PRR16: variants seen among roughly 807,000 people sequenced by gnomAD.
The protein encoded by PRR16 is protein Largen.
Under a neutral mutation model 18.2 loss-of-function variants are expected in PRR16, and 6 were observed. The ratio of observed to expected loss-of-function variants is 0.33; its 90% CI spans 0.18 to 0.65. The LOEUF is 0.65. Among genes scored for constraint, PRR16 ranks in the 30% least tolerant of loss-of-function variants. The probability of loss-of-function intolerance (pLI) is 0.74; values close to 1 mark genes in which losing one functional copy is unlikely to be tolerated. For missense variants in PRR16, 412 were observed against 376.6 expected (o/e 1.09, Z -0.78); for synonymous variants, 151 against 147.8 (o/e 1.02, Z -0.16).
At chr5:120,534,285 G>T (rs564895659) in intron 1 of PRR16, among the ~76,000 whole-genome samples, 1 of 152,084 alleles carries the variant, frequency 6.6e-6, no homozygotes, top group Non-Finnish European at 1.5e-5. Flanking sequence ...AGCATTAGGA[G>T]AATGAGTACC....
At chr5:120,482,979 G>A (rs1380797782) in intron 1 of PRR16, among the ~76,000 whole-genome samples, 1 of 152,102 alleles carries the variant, frequency 6.6e-6, no homozygotes, top group East Asian at 1.9e-4. Context: ...CATTATTTTA[G>A]AATTCAACTA....
At chr5:120,690,558 A>G (rs1757196986), downstream of PRR16, among the ~76,000 whole-genome samples, 1 of 152,214 alleles carries the variant, frequency 6.6e-6, no homozygotes, top group Non-Finnish European at 1.5e-5. Flanking sequence ...AAATTTCTAT[A>G]AAAAGCCATA....
At chr5:120,570,653 C>G (rs1340418523) in intron 1 of PRR16, among the ~76,000 whole-genome samples, 1 of 151,994 alleles carries the variant, frequency 6.6e-6, no homozygotes, top group African/African-American at 2.4e-5. Flanking sequence ...CCATCTCAAT[C>G]CCAACTAGAC....
intron 1 of PRR16, among the ~76,000 whole-genome samples, chr5:120,533,276 T>G (rs1351489220): frequency 6.6e-6 from 1 of 152,218 alleles, no homozygotes; most frequent in African/African-American, 2.4e-5. Context: ...TGGGTGTCTA[T>G]TATGTGCTAG....
At chr5:120,751,889 AT>A in the PRR16 span, among the ~76,000 whole-genome samples, 1 of 152,122 alleles carries the variant, frequency 6.6e-6, no homozygotes, top group African/African-American at 2.4e-5. Context: ...TGGAATATTC[AT>A]TTAAGTTTGC....
intron 1 of PRR16, among the ~76,000 whole-genome samples, chr5:120,472,796 T>C (rs1194398950): frequency 6.6e-6 from 1 of 152,152 alleles, no homozygotes; most frequent in Admixed American, 6.5e-5. Context: ...ATAGGTGGTA[T>C]ATTTATAATT....
At chr5:120,765,612 A>G in the PRR16 span, among the ~76,000 whole-genome samples, 1 of 152,008 alleles carries the variant, frequency 6.6e-6, no homozygotes, top group African/African-American at 2.4e-5. Context: ...ATCCATTTTT[A>G]AAAACCTTTA....
the PRR16 span, among the ~76,000 whole-genome samples, chr5:120,756,752 G>A: frequency 6.6e-6 from 1 of 151,888 alleles, no homozygotes; most frequent in Non-Finnish European, 1.5e-5. Context: ...GTTGTGTGTT[G>A]ACTGCATTGA....
the PRR16 span, among the ~76,000 whole-genome samples, chr5:120,773,177 T>C: frequency 6.6e-6 from 1 of 152,082 alleles, no homozygotes; most frequent in Non-Finnish European, 1.5e-5. Context: ...CAGTTAAAAT[T>C]TTTATTAGTA....
intron 1 of PRR16, among the ~76,000 whole-genome samples, chr5:120,542,434 G>A (rs7712650): frequency 0.2 from 29,749 of 151,666 alleles, 3,054 homozygotes; most frequent in Non-Finnish European, 0.21. Context: ...TAACATTTTC[G>A]TTACATGATA....
intron 1 of PRR16, among the ~76,000 whole-genome samples, chr5:120,542,921 C>A (rs1337666657): frequency 6.6e-6 from 1 of 152,022 alleles, no homozygotes; most frequent in African/African-American, 2.4e-5. Flanking sequence ...AGTGATTATT[C>A]AATGTGTGGT....
At chr5:120,702,195 T>TA in the PRR16 span, among the ~76,000 whole-genome samples, 152 of 134,756 alleles carry the variant, frequency 1.1e-3, no homozygotes, top group Non-Finnish European at 1.9e-3. Flanking sequence ...GGTTGGGGTG[T>TA]GGAAATAAGG....
chr5:120,620,336 T>C (rs1754648578), intron 1 of PRR16, among the ~76,000 whole-genome samples: 4 of 152,160 alleles, frequency 2.6e-5, no homozygotes, highest in African/African-American at 9.6e-5. Flanking sequence ...ACGAGCTTCA[T>C]GATTATGTTG....
intron 1 of PRR16, among the ~76,000 whole-genome samples, chr5:120,681,201 G>A (rs1001422786): frequency 6.6e-6 from 1 of 151,842 alleles, no homozygotes; most frequent in African/African-American, 2.4e-5. Flanking sequence ...GATGCTTTTC[G>A]TTGTCATTTT....
chr5:120,725,146 A>G, the PRR16 span, among the ~76,000 whole-genome samples: 4 of 152,056 alleles, frequency 2.6e-5, no homozygotes, highest in Admixed American at 2.0e-4. Context: ...GTGAGAGCCA[A>G]CTGGGCCTTT....
At chr5:120,567,348 G>A (rs1449975311) in intron 1 of PRR16, among the ~76,000 whole-genome samples, 2 of 152,048 alleles carry the variant, frequency 1.3e-5, no homozygotes, top group Non-Finnish European at 2.9e-5. Flanking sequence ...ACTGGACGTT[G>A]GCTTGGCTCT....
At chr5:120,721,185 T>G in the PRR16 span, among the ~76,000 whole-genome samples, 7 of 152,228 alleles carry the variant, frequency 4.6e-5, no homozygotes, top group East Asian at 1.4e-3. Context: ...GACTATTATT[T>G]ACTACAGATT....
intron 1 of PRR16, among the ~76,000 whole-genome samples, chr5:120,588,001 C>T (rs1753504472): frequency 6.6e-6 from 1 of 152,132 alleles, no homozygotes; most frequent in Non-Finnish European, 1.5e-5. Context: ...GAAGTTGATT[C>T]CAACCCTCAT....
Position 120,686,936 on chromosome 5 carries a change from A to G in PRR16, c.*227A>G, listed in dbSNP as rs1231058557. 2 of 351,588 alleles carry G rather than the reference A, an allele frequency of 5.7e-6. No homozygotes were observed. Among genetic ancestry groups the G allele is most frequent in the East Asian group, 8.8e-5 (2 of 22,712 alleles). The allele number at this position is 351,588 out of a possible 1,614,324, so 21.8% of individuals were successfully genotyped here. ...AACCTCAGAATGATGAAAAATATGA[A>G]TGATGCATTGTTTTTGCAATTGACC... On this transcript the variant is annotated 3_prime_UTR_variant, in exon 2 of 2. Transcript: ENST00000407149.
Sources: gnomAD v4.1 joint callset for allele counts (sites outside exome capture counted in the v4.1 genomes callset) on GRCh38, gnomAD v4.1.1 for gene constraint, MANE v1.5 for transcripts, NCBI Gene and HGNC (gene_info 2026-07-23, HGNC 2026-07-21) for gene names.